Variants in BRIP1 observed in about 807,000 individuals in gnomAD.
BRIP1 encodes Fanconi anemia group J protein.
In BRIP1, 88 loss-of-function variants were observed where a neutral mutation model predicts 119.7. That is an observed-to-expected ratio of 0.74 (90% CI 0.62 to 0.88). The LOEUF (loss-of-function observed/expected upper bound fraction) is 0.88. BRIP1 is among the 40% of genes least tolerant of loss of function. BRIP1 has a pLI of 0.00. For synonymous variants in BRIP1, 443 were observed against 496.5 expected, an observed-to-expected ratio of 0.89 and a Z score of 1.43; for missense variants, 1,259 against 1,455.4, an observed-to-expected ratio of 0.87 and a Z score of 2.20.
In BRIP1 at chr17:61,708,858, C is replaced by T. The variant is rs965716409; in HGVS notation, c.2492+7093G>A. Among the ~76,000 whole-genome samples, 5 of 152,130 alleles carry T rather than the reference C, an allele frequency of 3.3e-5. No individual in the cohort carries two copies. The East Asian group carries it at 7.7e-4, about 23-fold the overall frequency. On this transcript the variant is annotated intron_variant, in intron 17 of 19. Coordinates refer to ENST00000259008, the MANE Select transcript of BRIP1 (RefSeq NM_032043.3). This position sits in a 1 kb window ranked among gnomAD's most constrained non-coding sequence, Gnocchi z 4.4. Reference sequence around the variant, plus strand: ...AGTTTCCCTAAAAAGGAATTCTACACGCTTGGTAGATGTAAGACTGATTGT... The same window carrying T: ...AGTTTCCCTAAAAAGGAATTCTACATGCTTGGTAGATGTAAGACTGATTGT...
In BRIP1 at chr17:61,746,183, G is replaced by A. The variant is rs1489416900; in HGVS notation, c.2098-1592C>T. Among the ~76,000 whole-genome samples, 1 of 152,040 alleles carries A rather than the reference G, an allele frequency of 6.6e-6. No individual in the cohort carries two copies. The highest frequency in any genetic ancestry group is 1.5e-5 in the Non-Finnish European group (1 of 67,982). ...AACATTAGTAAAATAGTTAACTGCT[G>A]TACAATATGCTTTAATTAAATAGGA... On this transcript the variant is annotated intron_variant, in intron 14 of 19. Transcript: ENST00000259008. The surrounding 1 kb of genome is among the most constrained non-coding windows in gnomAD (Gnocchi z 4.9).
Position 61,857,146 on chromosome 17 carries a change from G to C in BRIP1, c.291C>G (p.Asn97Lys), listed in dbSNP as rs766561078. 1 of 1,614,044 alleles carries C rather than the reference G, an allele frequency of 6.2e-7. No homozygotes were observed. ...GTGAAGTTCCTTGGTTCATGTCATT[G>C]TTTGTAAAATCCTTTGAATGGCATG... ...CCACHSKDFT[N>K]NDMNQGTSRH... Residue 97 changes from asparagine to lysine, a missense_variant, in exon 4 of 20, where the codon AAC (asparagine) becomes AAG (lysine). Physicochemically the swap from Asn to Lys is moderately conservative, Grantham distance 94. Around this residue, in one of 3 missense-constraint regions of BRIP1, gnomAD observed 501 missense variants for 544.0 expected, o/e 0.92. Coordinates refer to ENST00000259008, the MANE Select transcript of BRIP1 (RefSeq NM_032043.3). This position sits in a 1 kb window ranked among gnomAD's most constrained non-coding sequence, Gnocchi z 5.1.
chr17:61,850,380 C>A (rs931539193), intron 4 of BRIP1, among the ~76,000 whole-genome samples: 2 of 151,862 alleles, frequency 1.3e-5, no homozygotes, highest in Non-Finnish European at 2.9e-5. Flanking sequence ...GGATTACAGG[C>A]GTGAGCCACC....
chr17:61,750,218 A>G (rs1488842086), intron 14 of BRIP1, among the ~76,000 whole-genome samples: 1 of 152,192 alleles, frequency 6.6e-6, no homozygotes, highest in Non-Finnish European at 1.5e-5. Flanking sequence ...AATTTGTATC[A>G]TGAAAGTGTG....
chr17:61,750,433 G>C (rs907395659), intron 14 of BRIP1, among the ~76,000 whole-genome samples: 1 of 152,044 alleles, frequency 6.6e-6, no homozygotes, highest in Non-Finnish European at 1.5e-5. Context: ...AAAATAGAAG[G>C]CTTTATGACC....
chr17:61,782,274 T>G (rs1369558233), intron 11 of BRIP1, among the ~76,000 whole-genome samples: 1 of 150,504 alleles, frequency 6.6e-6, no homozygotes, highest in Admixed American at 6.6e-5. Context: ...TAGTCCCAGC[T>G]ACTCGGGAGG....
rs1174094214 is a variant in BRIP1, at chr17:61,851,515, G to C, written c.380-2259C>G. 3.9e-5 allele frequency among the ~76,000 whole-genome samples: 6 copies of C among 152,028 alleles called. No homozygotes were observed. The highest frequency in any genetic ancestry group is 3.3e-4 in the Admixed American group (5 of 15,280). ...ATCTAACAGGCCTAGCACCACCCAA[G>C]TTCTTCCTTTCCCCTACAAGCTGTA... On this transcript the variant is annotated intron_variant, in intron 4 of 19. Coordinates refer to ENST00000259008, the MANE Select transcript of BRIP1 (RefSeq NM_032043.3). This position sits in a 1 kb window ranked among gnomAD's most constrained non-coding sequence, Gnocchi z 4.6.
chr17:61,808,777 C>T lies in BRIP1; in HGVS notation c.628-20G>A, dbSNP rs533827333. 23 of 1,606,658 alleles carry T rather than the reference C, an allele frequency of 1.4e-5. No homozygotes were observed. The highest frequency in any genetic ancestry group is 1.7e-4 in the Middle Eastern group (1 of 6,056). ...AGGGGGCTGTAAGAAAGGAAAGAAA[C>T]GATAACTAATATCTAAACTACCATA... On this transcript the variant is annotated intron_variant, in intron 6 of 19. Coordinates refer to ENST00000259008, the MANE Select transcript of BRIP1 (RefSeq NM_032043.3). The surrounding 1 kb of genome is among the most constrained non-coding windows in gnomAD (Gnocchi z 4.1).
At chr17:61,837,435 T>C (rs1199983881) in intron 6 of BRIP1, among the ~76,000 whole-genome samples, 2 of 152,132 alleles carry the variant, frequency 1.3e-5, no homozygotes, top group Non-Finnish European at 2.9e-5. Context: ...CCAAGTGTCT[T>C]CCACACACCA....
Position 61,770,683 on chromosome 17 carries a change from G to C in BRIP1, c.2097+5718C>G, listed in dbSNP as rs546393493. ...CTGCATTCTATTGAAAATTAAATTA[G>C]TATTAATCCAAACTACATAAGATGT... On this transcript the variant is annotated intron_variant, in intron 14 of 19. Coordinates refer to ENST00000259008, the MANE Select transcript of BRIP1 (RefSeq NM_032043.3). The surrounding 1 kb of genome is among the most constrained non-coding windows in gnomAD (Gnocchi z 4.7). 1.3e-5 allele frequency among the ~76,000 whole-genome samples: 2 copies of C among 151,960 alleles called. No homozygotes were observed. The highest frequency in any genetic ancestry group is 4.2e-4 in the South Asian group (2 of 4,812).
At chr17:61,800,109 T>C (rs1283427235) in intron 8 of BRIP1, among the ~76,000 whole-genome samples, 1 of 152,136 alleles carries the variant, frequency 6.6e-6, no homozygotes, top group African/African-American at 2.4e-5. Context: ...GTTATCTTTG[T>C]TCCATAAGCA....
chr17:61,801,178 T>C (rs2077984217), intron 8 of BRIP1, 75 bp downstream of exon 8: 4 of 1,403,090 alleles, frequency 2.9e-6, no homozygotes, highest in Non-Finnish European at 4.0e-6. Flanking sequence ...AATTAAAACA[T>C]CTAAAAGCTT....
At position 61,793,742 on chromosome 17, in the gene BRIP1, A is replaced by G; in HGVS notation, c.1341-13T>C. ...TGCTTCTAACCAACTGAAATAAAATAAAACAATTGTGTCAACCAGTATCAT... is the reference window on the plus strand; with the variant it reads ...TGCTTCTAACCAACTGAAATAAAATGAAACAATTGTGTCAACCAGTATCAT... On this transcript the variant is annotated splice_polypyrimidine_tract_variant and intron_variant, in intron 9 of 19. Coordinates refer to ENST00000259008, the MANE Select transcript of BRIP1 (RefSeq NM_032043.3). The surrounding 1 kb of genome is among the most constrained non-coding windows in gnomAD (Gnocchi z 5.2). The G allele has an allele frequency of 6.2e-7, 1 of 1,606,696 alleles. No homozygotes were observed. The highest frequency in any genetic ancestry group is 1.1e-5 in the South Asian group (1 of 90,748).
At chr17:61,741,110 T>C (rs1484624734) in intron 16 of BRIP1, among the ~76,000 whole-genome samples, 2 of 152,218 alleles carry the variant, frequency 1.3e-5, no homozygotes, top group East Asian at 3.8e-4. Context: ...TTCAACAATG[T>C]TCACAGCATC....
rs571340013 is a variant in BRIP1, at chr17:61,776,514, C to T, written c.1984G>A (p.Ala662Thr). The T allele has an allele frequency of 1.5e-5, 25 of 1,614,148 alleles. No individual in the cohort carries two copies. Among genetic ancestry groups the T allele is most frequent in the East Asian group, 2.2e-5 (1 of 44,874 alleles). ...GSGPKGRNLC[A>T]TFQNTETFEF... ...AATGTTTCAGTATTCTGGAAGGTAG[C>T]ACAGAGATTCCGACCCTTGGGGCCT... is the stretch of plus-strand genomic sequence containing the variant. The change falls in exon 14 of 20, where the codon GCT becomes ACT. Residue 662 changes from alanine (A) to threonine (T), a missense_variant. By Grantham distance (58) the Ala-to-Thr change is moderately conservative (BLOSUM62 0). Transcript: ENST00000259008. This position sits in a 1 kb window ranked among gnomAD's most constrained non-coding sequence, Gnocchi z 5.0.
intron 6 of BRIP1, among the ~76,000 whole-genome samples, chr17:61,820,843 G>A (rs1415286204): frequency 2.6e-5 from 4 of 151,958 alleles, no homozygotes; most frequent in African/African-American, 4.8e-5. Context: ...CCAACTACTC[G>A]GGAGGCTGGG....
rs2144056211 is a variant in BRIP1 at position 61,682,044 on chromosome 17, T to C, written c.*1252A>G. On this transcript the variant is annotated 3_prime_UTR_variant, in exon 20 of 20. Coordinates refer to ENST00000259008, the MANE Select transcript of BRIP1 (RefSeq NM_032043.3). The surrounding 1 kb of genome is among the most constrained non-coding windows in gnomAD (Gnocchi z 4.9). Reference sequence around the variant, plus strand: ...AATGATGTCAGAGATGAGCCTCTTTTATAATCATTTTTGATTAGACATATA... The same window carrying C: ...AATGATGTCAGAGATGAGCCTCTTTCATAATCATTTTTGATTAGACATATA... 1 of 203,482 alleles carries C rather than the reference T, an allele frequency of 4.9e-6. No homozygotes were observed. Among genetic ancestry groups the C allele is most frequent in the East Asian group, 7.6e-5 (1 of 13,098 alleles). 12.6% of individuals were successfully genotyped at this position (203,482 alleles called of 1,614,324 possible).
rs1375217541 is a variant in BRIP1, at chr17:61,691,364, G to C, written c.2575+2066C>G. Among the ~76,000 whole-genome samples the C allele has an allele frequency of 6.6e-6, 1 of 152,090 alleles. No homozygotes were observed. The highest frequency in any genetic ancestry group is 1.5e-5 in the Non-Finnish European group (1 of 68,004). On this transcript the variant is annotated intron_variant, in intron 18 of 19. Coordinates refer to ENST00000259008, the MANE Select transcript of BRIP1 (RefSeq NM_032043.3). This position sits in a 1 kb window ranked among gnomAD's most constrained non-coding sequence, Gnocchi z 5.0. ...TGTACACTGGAAATTATAAAACATT[G>C]CTGAAAAACAGTAAAGATAACACAA...
At chr17:61,821,241 G>A (rs1228750965) in intron 6 of BRIP1, among the ~76,000 whole-genome samples, 2 of 152,294 alleles carry the variant, frequency 1.3e-5, no homozygotes, top group South Asian at 2.1e-4. Context: ...GGACCAATCA[G>A]AGGCTGAAGT....
Sources: gnomAD v4.1 joint callset for allele counts (sites outside exome capture counted in the v4.1 genomes callset) on GRCh38, gnomAD v4.1.1 for gene constraint, gnomAD v4.1.1 regional missense constraint, Gnocchi (gnomAD v3.1) non-coding constraint, MANE v1.5 for transcripts, NCBI Gene and HGNC (gene_info 2026-07-23, HGNC 2026-07-21) for gene names.